Variants in CCDC7 observed in about 807,000 individuals in gnomAD.
CCDC7 encodes the protein coiled-coil domain containing 7, also known as coiled-coil domain-containing protein 7.
CCDC7 carries 183 observed loss-of-function variants against 196.9 expected under a neutral mutation model. The ratio of observed to expected loss-of-function variants is 0.93; its 90% CI spans 0.82 to 1.05. The LOEUF is 1.05. Ranked by LOEUF, CCDC7 falls within the 50% of genes least tolerant of loss-of-function variation. The pLI is 0.00. For synonymous variants in CCDC7, 525 were observed against 484.6 expected, an observed-to-expected ratio of 1.08 and a Z score of -1.10; for missense variants, 1,540 against 1,482.2, an observed-to-expected ratio of 1.04 and a Z score of -0.64.
chr10:32,692,618 GA>G (rs1199397831), intron 23 of CCDC7, among the ~76,000 whole-genome samples: 3 of 152,100 alleles, frequency 2.0e-5, no homozygotes, highest in Non-Finnish European at 4.4e-5. Flanking sequence ...GTGCTTCATT[GA>G]CCACCCTGCT....
intron 28 of CCDC7, among the ~76,000 whole-genome samples, chr10:32,741,633 T>C (rs1162437073): frequency 6.6e-6 from 1 of 152,220 alleles, no homozygotes; most frequent in Non-Finnish European, 1.5e-5. Flanking sequence ...TTCAAACTCA[T>C]GTTGTTCAAG....
At chr10:32,648,675 G>A (rs757250772) in intron 20 of CCDC7, among the ~76,000 whole-genome samples, 2 of 152,134 alleles carry the variant, frequency 1.3e-5, no homozygotes, top group Non-Finnish European at 2.9e-5. Flanking sequence ...GCCAGCATCT[G>A]TTATTCTTTG....
intron 5 of CCDC7, among the ~76,000 whole-genome samples, chr10:32,469,529 C>T (rs2037512547): frequency 6.6e-6 from 1 of 152,174 alleles, no homozygotes; most frequent in African/African-American, 2.4e-5. Flanking sequence ...GGAATCTGCC[C>T]TCTGTGATGC....
At chr10:32,677,678 C>G (rs1451068991) in intron 21 of CCDC7, among the ~76,000 whole-genome samples, 1 of 151,918 alleles carries the variant, frequency 6.6e-6, no homozygotes, top group Admixed American at 6.6e-5. Flanking sequence ...TAATGTGTCT[C>G]AGTGTAAATT....
At chr10:32,722,355 A>G (rs1192046526) in intron 25 of CCDC7, among the ~76,000 whole-genome samples, 3 of 152,156 alleles carry the variant, frequency 2.0e-5, no homozygotes, top group Non-Finnish European at 4.4e-5. Context: ...ACTTTGTTAC[A>G]GCAGCGATCT....
chr10:32,520,406 T>C (rs1265389539), intron 11 of CCDC7, among the ~76,000 whole-genome samples: 2 of 152,040 alleles, frequency 1.3e-5, no homozygotes, highest in African/African-American at 4.8e-5. Context: ...TGAATAAAAG[T>C]CATTTTAACT....
At chr10:32,666,120 C>CTTTTTTT (rs35052301) in intron 21 of CCDC7, among the ~76,000 whole-genome samples, 2 of 130,806 alleles carry the variant, frequency 1.5e-5, no homozygotes, top group Non-Finnish European at 3.3e-5. Context: ...TATTCTTTTT[C>CTTTTTTT]TTTTTTTTTT....
intron 16 of CCDC7, among the ~76,000 whole-genome samples, chr10:32,576,300 G>T (rs922897591): frequency 4.5e-5 from 3 of 66,074 alleles, no homozygotes; most frequent in Admixed American, 2.0e-4. Flanking sequence ...AGCAAAGGGG[G>T]TTAAAAAAAA....
Position 32,651,981 on chromosome 10 carries a change from T to C in CCDC7, c.2015-12073T>C, listed in dbSNP as rs1033263529. On this transcript the variant is annotated intron_variant, in intron 20 of 41. Coordinates refer to ENST00000639629, the Ensembl canonical transcript of CCDC7. ...TCAGAAAAATTTCCAGTTTCTTTGT[T>C]GATTTTTTGTCTGGATGATCTGAAA... Among the ~76,000 whole-genome samples, 4 of 152,348 alleles carry C rather than the reference T, an allele frequency of 2.6e-5. No homozygotes were observed. In the East Asian group the frequency reaches 7.7e-4, roughly 29 times the overall value.
chr10:32,510,272 C>A (rs2045901832), intron 9 of CCDC7, among the ~76,000 whole-genome samples: 1 of 152,070 alleles, frequency 6.6e-6, no homozygotes, highest in South Asian at 2.1e-4. Flanking sequence ...GCACAGAAAG[C>A]AAAATAATTT....
At chr10:32,701,385 T>G (rs534490204) in intron 24 of CCDC7, among the ~76,000 whole-genome samples, 1 of 152,324 alleles carries the variant, frequency 6.6e-6, no homozygotes, top group East Asian at 1.9e-4. Flanking sequence ...TCATGGTGGA[T>G]AAGCTTTCTG....
At chr10:32,800,921 C>A (rs189627598) in intron 29 of CCDC7, among the ~76,000 whole-genome samples, 1 of 152,098 alleles carries the variant, frequency 6.6e-6, no homozygotes, top group Admixed American at 6.5e-5. Flanking sequence ...CTAGAAACAC[C>A]GTGATTAATT....
chr10:32,575,371 G>A (rs960854493), intron 16 of CCDC7, among the ~76,000 whole-genome samples: 12 of 152,112 alleles, frequency 7.9e-5, no homozygotes, highest in Admixed American at 4.6e-4. Context: ...CAAATAGTAC[G>A]CATAAGGTAG....
chr10:32,691,887 A>T lies in CCDC7; in HGVS notation c.2344+2724A>T, dbSNP rs568233706. ...CTGTCAGAGCCAAAAATAGTTCCCAACTGAGGAAGGAGAGGGTTTCAGATG... is the reference window on the plus strand; with the variant it reads ...CTGTCAGAGCCAAAAATAGTTCCCATCTGAGGAAGGAGAGGGTTTCAGATG... On this transcript the variant is annotated intron_variant, in intron 23 of 41. Transcript: ENST00000639629. Among the ~76,000 whole-genome samples, 8 of 152,352 alleles carry T rather than the reference A, an allele frequency of 5.3e-5. No individual in the cohort carries two copies. In the South Asian group the frequency reaches 1.7e-3, roughly 32 times the overall value.
At chr10:32,660,072 A>G (rs1359000851) in intron 20 of CCDC7, among the ~76,000 whole-genome samples, 2 of 152,084 alleles carry the variant, frequency 1.3e-5, no homozygotes. Context: ...GTGGGTACCT[A>G]AGGTACAAGA....
At chr10:32,634,309 A>T (rs910414473) in exon 19 of CCDC7, 4 of 1,219,094 alleles carry the variant, frequency 3.3e-6, no homozygotes, top group Admixed American at 8.4e-5. Flanking sequence ...ATTCAGTAAC[A>T]AAAGTCCAAA....
At chr10:32,699,323 C>G (rs1591729452) in intron 24 of CCDC7, among the ~76,000 whole-genome samples, 1 of 150,798 alleles carries the variant, frequency 6.6e-6, no homozygotes, top group Admixed American at 6.7e-5. Context: ...TTGTCCTTGC[C>G]ATAGTTTGCT....
At chr10:32,747,388 CT>C (rs2074955289) in intron 28 of CCDC7, among the ~76,000 whole-genome samples, 1 of 152,128 alleles carries the variant, frequency 6.6e-6, no homozygotes, top group Admixed American at 6.5e-5. Flanking sequence ...AATTAAGGAG[CT>C]TCTGCACAAG....
chr10:32,770,945 T>C (rs1248255155), intron 28 of CCDC7, among the ~76,000 whole-genome samples: 1 of 152,188 alleles, frequency 6.6e-6, no homozygotes, highest in South Asian at 2.1e-4. Context: ...CAATACCTTT[T>C]TAATTCCCTT....
Sources: allele counts gnomAD v4.1 joint callset (sites outside exome capture counted in the v4.1 genomes callset), GRCh38; gene constraint gnomAD v4.1.1; transcripts MANE v1.5; gene names NCBI Gene and HGNC (gene_info 2026-07-23, HGNC 2026-07-21).